SIDT1: variants seen among roughly 807,000 people sequenced by gnomAD.
The protein encoded by SIDT1 is SID1 transmembrane family member 1, also known as SID1 transmembrane family, member 1.
In SIDT1, 101 loss-of-function variants were observed where a neutral mutation model predicts 107.5. The ratio of observed to expected loss-of-function variants is 0.94; its 90% CI spans 0.80 to 1.11. The LOEUF (loss-of-function observed/expected upper bound fraction) is 1.11, where lower values mean the gene tolerates loss of function less well. Among genes scored for constraint, SIDT1 ranks in the 50% least tolerant of loss-of-function variants. The pLI is 0.00. For synonymous variants in SIDT1, 395 were observed against 398.2 expected (o/e 0.99, Z 0.10); for missense variants, 1,076 against 1,058.2 (o/e 1.02, Z -0.23).
At chr3:113,563,280 G>A (rs1941598810) in intron 1 of SIDT1, among the ~76,000 whole-genome samples, 1 of 152,200 alleles carries the variant, frequency 6.6e-6, no homozygotes, top group Admixed American at 6.5e-5. Context: ...ATGAAGCAAA[G>A]ACAAAATTGC....
In SIDT1 at chr3:113,608,401, C is replaced by T. The variant is rs374201292; in HGVS notation, c.1603-18C>T. 4.4e-6 allele frequency: 7 copies of T among 1,587,378 alleles called. No homozygotes were observed. In the African/African-American group the frequency reaches 9.4e-5, roughly 21 times the overall value. Reference sequence around the variant, plus strand: ...GGCACTATTTAGTATCTATTGACCACCCTTTCTCCTTTTTCAGGAGTACGG... The same window carrying T: ...GGCACTATTTAGTATCTATTGACCATCCTTTCTCCTTTTTCAGGAGTACGG... On this transcript the variant is annotated intron_variant, in intron 16 of 24. Coordinates refer to ENST00000264852, the MANE Select transcript of SIDT1 (RefSeq NM_017699.3).
At chr3:113,633,745 G>T (rs141633287), downstream of SIDT1, among the ~76,000 whole-genome samples, 2 of 152,184 alleles carry the variant, frequency 1.3e-5, no homozygotes, top group Non-Finnish European at 2.9e-5. Context: ...GCAGAAGGCC[G>T]TTTCAGTGTC....
At chr3:113,601,553 A>T (rs771878575) in intron 10 of SIDT1, 35 bp from the exon 11 acceptor site, 2 of 1,443,526 alleles carry the variant, frequency 1.4e-6, no homozygotes, top group Non-Finnish European at 2.0e-6. Flanking sequence ...TAGCAACTGG[A>T]CATAAAGTGT....
At chr3:113,565,043 G>A (rs1941775688) in intron 1 of SIDT1, among the ~76,000 whole-genome samples, 1 of 152,198 alleles carries the variant, frequency 6.6e-6, no homozygotes, top group South Asian at 2.1e-4. Flanking sequence ...ATGTGCGATA[G>A]ATCATTAGGG....
At chr3:113,612,318 T>C in intron 19 of SIDT1, 124 bp downstream of exon 19, 1 of 746,602 alleles carries the variant, frequency 1.3e-6, no homozygotes, top group Non-Finnish European at 2.4e-6. Context: ...CTGAATTCTA[T>C]GCCATGTTTA....
intron 1 of SIDT1, among the ~76,000 whole-genome samples, chr3:113,552,932 A>T (rs1256611608): frequency 6.6e-6 from 1 of 152,100 alleles, no homozygotes; most frequent in African/African-American, 2.4e-5. Context: ...AGTAACCCCA[A>T]AACCAACCCC....
intron 17 of SIDT1, 131 bp downstream of exon 17, chr3:113,608,667 A>C: frequency 1.4e-6 from 1 of 702,922 alleles, no homozygotes; most frequent in Non-Finnish European, 2.5e-6. Flanking sequence ...ATCAGAGAGG[A>C]CCTCCACACA....
At chr3:113,547,091 G>T (rs57188651) in intron 1 of SIDT1, among the ~76,000 whole-genome samples, 6,313 of 152,082 alleles carry the variant, frequency 0.042, 244 homozygotes, top group African/African-American at 0.11. Flanking sequence ...ACTTCACAGA[G>T]AGCTAGAAGA....
intron 2 of SIDT1, among the ~76,000 whole-genome samples, chr3:113,567,018 G>T (rs1941979303): frequency 2.0e-5 from 3 of 152,090 alleles, no homozygotes; most frequent in Admixed American, 1.3e-4. Context: ...ATTTTTTCAG[G>T]GGAGAAGTGT....
intron 1 of SIDT1, among the ~76,000 whole-genome samples, chr3:113,559,632 C>A (rs1941237729): frequency 6.6e-6 from 1 of 151,814 alleles, no homozygotes; most frequent in African/African-American, 2.4e-5. Context: ...TAAATAGAGA[C>A]AGAGGTTTTA....
downstream of SIDT1, among the ~76,000 whole-genome samples, chr3:113,634,345 C>T (rs1447943655): frequency 1.3e-5 from 2 of 152,116 alleles, no homozygotes; most frequent in African/African-American, 4.8e-5. Context: ...TTAAGTTTGG[C>T]ATAACTGGTC....
intron 11 of SIDT1, chr3:113,602,485 C>T (rs572044029): frequency 6.6e-6 from 1 of 152,390 alleles, no homozygotes; most frequent in South Asian, 2.1e-4. Flanking sequence ...CTCTGGGAAA[C>T]ATTCATGGGA....
chr3:113,615,479 A>G (rs1267946058), intron 19 of SIDT1, among the ~76,000 whole-genome samples: 1 of 152,192 alleles, frequency 6.6e-6, no homozygotes, highest in Non-Finnish European at 1.5e-5. Context: ...ATTATAACAC[A>G]CACACTCGCT....
chr3:113,633,818 G>C (rs1434058862), downstream of SIDT1, among the ~76,000 whole-genome samples: 1 of 152,186 alleles, frequency 6.6e-6, no homozygotes, highest in East Asian at 1.9e-4. Context: ...TGATAGGTTT[G>C]ATCTTGTTTT....
chr3:113,601,434 G>T (rs1944951092), intron 10 of SIDT1, 154 bp from the exon 11 acceptor site: 1 of 511,612 alleles, frequency 2.0e-6, no homozygotes, highest in Non-Finnish European at 3.5e-6. Flanking sequence ...GCTAGATTTG[G>T]CAGATGGGTC....
chr3:113,581,481 T>C, intron 6 of SIDT1, 37 bp downstream of exon 6: 1 of 1,487,734 alleles, frequency 6.7e-7, no homozygotes, highest in Admixed American at 1.7e-5. Context: ...TTGCCAATGG[T>C]AATGCTCAAT....
At position 113,533,114 on chromosome 3, in the gene SIDT1, G is replaced by T; in HGVS notation, c.93G>T (p.Gln31His). The change falls in exon 1 of 25, where the codon CAG (glutamine) becomes CAT (histidine). Residue 31 changes from glutamine (Q) to histidine (H), a missense_variant. Gln to His is a conservative substitution (Grantham distance 24, BLOSUM62 0). Transcript: ENST00000264852. ...SPGHPAKSPR[Q>H]PPAPRRDPFD... ...GGCACCCGGCGAAATCCCCCAGGCA[G>T]CCCCCGGCACCGCGCCGCGACCCCT... The T allele has an allele frequency of 1.3e-6, 2 of 1,544,892 alleles. No individual in the cohort carries two copies. The highest frequency in any genetic ancestry group is 1.7e-6 in the Non-Finnish European group (2 of 1,147,606).
In SIDT1 at chr3:113,578,466, C is replaced by CAA. The variant is rs1180260673; in HGVS notation, c.561+1515_561+1516dup. 2.0e-3 allele frequency among the ~76,000 whole-genome samples: 152 copies of CAA among 75,092 alleles called. 1 individual carries two copies. The highest frequency in any genetic ancestry group is 6.8e-3 in the South Asian group (15 of 2,208). 49.3% of individuals were successfully genotyped at this position (75,092 alleles called of 152,430 possible). Reference sequence around the variant, plus strand: ...TGGGCGACAGAGCGAGACTCTGTCTCAAAAAAAAAAAAAAAAAGAAGAGGA... The same window carrying CAA: ...TGGGCGACAGAGCGAGACTCTGTCTCAAAAAAAAAAAAAAAAAAAGAAGAGGA... On this transcript the variant is annotated intron_variant, in intron 4 of 24. Transcript: ENST00000264852.
In SIDT1 at chr3:113,601,678, G is replaced by C. The variant is rs1046030728; in HGVS notation, c.1117+19G>C. ...ACAATAGGTATGTCCTACCAGGTCTGTTCATGAAAGTGTTTCCTAATTCTG... is the reference window on the plus strand; with the variant it reads ...ACAATAGGTATGTCCTACCAGGTCTCTTCATGAAAGTGTTTCCTAATTCTG... On this transcript the variant is annotated intron_variant, in intron 11 of 24. Transcript: ENST00000264852. The C allele has an allele frequency of 1.9e-6, 3 of 1,572,490 alleles. No homozygotes were observed. The South Asian group carries it at 3.4e-5, about 18-fold the overall frequency.
Sources: allele counts gnomAD v4.1 joint callset (sites outside exome capture counted in the v4.1 genomes callset), GRCh38; gene constraint gnomAD v4.1.1; transcripts MANE v1.5; gene names NCBI Gene and HGNC (gene_info 2026-07-23, HGNC 2026-07-21).